The following SIPA1L1 variants were observed in gnomAD, a reference collection of about 807,000 sequenced individuals.
SIPA1L1 encodes the protein signal induced proliferation associated 1 like 1, also known as signal-induced proliferation-associated 1-like protein 1.
SIPA1L1 carries 26 observed loss-of-function variants against 162.7 expected under a neutral mutation model. The observed-to-expected ratio is 0.16, with a 90% CI of 0.12 to 0.22. SIPA1L1 has a LOEUF of 0.22. Among genes scored for constraint, SIPA1L1 ranks in the 10% least tolerant of loss-of-function variants. The pLI is 1.00. For synonymous variants in SIPA1L1, 829 were observed against 837.4 expected (o/e 0.99, Z 0.17); for missense variants, 1,874 against 2,241.0 (o/e 0.84, Z 3.31).
chr14:71,336,758 G>A (rs1180751830), intron 2 of SIPA1L1, among the ~76,000 whole-genome samples: 1 of 152,162 alleles, frequency 6.6e-6, no homozygotes, highest in Admixed American at 6.5e-5. Context: ...TTGTTTTACC[G>A]CACCTTTCCA....
Position 71,385,683 on chromosome 14 carries a change from A to G in SIPA1L1, c.-465+64502A>G, listed in dbSNP as rs1045214964. On this transcript the variant is annotated intron_variant, in intron 2 of 23. Coordinates refer to ENST00000381232, the MANE Select transcript of SIPA1L1 (RefSeq NM_001386936.1). ...AGAGATGCTTTACTTTCTTTTGTAC[A>G]TTCTTTTTTTTTTTTTTTTTTTTGA... Among the ~76,000 whole-genome samples, 87 of 137,002 alleles carry G rather than the reference A, an allele frequency of 6.4e-4. 1 individual carries two copies. Among genetic ancestry groups the G allele is most frequent in the Admixed American group, 1.8e-3 (23 of 12,452 alleles). The allele number at this position is 137,002 out of a possible 152,430, so 89.9% of individuals were successfully genotyped here.
chr14:71,589,915 G>T (rs756532529), intron 5 of SIPA1L1, among the ~76,000 whole-genome samples: 16 of 150,672 alleles, frequency 1.1e-4, no homozygotes, highest in Non-Finnish European at 2.2e-4. Context: ...ATAAGTCTCA[G>T]TGCCAAGAAT....
intron 17 of SIPA1L1, among the ~76,000 whole-genome samples, chr14:71,717,159 A>G (rs1872899620): frequency 6.6e-6 from 1 of 152,154 alleles, no homozygotes; most frequent in Non-Finnish European, 1.5e-5. Context: ...CGGCCTCCCA[A>G]AGTGCTGGGA....
intron 6 of SIPA1L1, among the ~76,000 whole-genome samples, chr14:71,622,090 G>A (rs2039507023): frequency 1.3e-5 from 2 of 152,100 alleles, no homozygotes; most frequent in Non-Finnish European, 2.9e-5. Flanking sequence ...ATTTGTATCA[G>A]GGACTTCTCA....
chr14:71,367,795 C>T (rs982764446), intron 2 of SIPA1L1, among the ~76,000 whole-genome samples: 5 of 150,848 alleles, frequency 3.3e-5, no homozygotes, highest in Non-Finnish European at 5.9e-5. Flanking sequence ...TTAGTAGAGA[C>T]GGGGTTTCAC....
At chr14:71,719,438 A>AAG (rs2083522792) in intron 17 of SIPA1L1, among the ~76,000 whole-genome samples, 3 of 152,260 alleles carry the variant, frequency 2.0e-5, no homozygotes, top group Admixed American at 6.5e-5. Context: ...CATCCTTGCC[A>AAG]GCACTTGATA....
At chr14:71,617,507 C>T (rs2038964678) in intron 5 of SIPA1L1, among the ~76,000 whole-genome samples, 1 of 152,116 alleles carries the variant, frequency 6.6e-6, no homozygotes, top group Non-Finnish European at 1.5e-5. Context: ...TTTGAATTTC[C>T]ATGGCTTATG....
At chr14:71,611,310 G>A (rs1203878992) in intron 5 of SIPA1L1, among the ~76,000 whole-genome samples, 1 of 152,126 alleles carries the variant, frequency 6.6e-6, no homozygotes. Flanking sequence ...TCATTAGTCA[G>A]ATTAAGATGT....
intron 2 of SIPA1L1, among the ~76,000 whole-genome samples, chr14:71,354,606 AG>A (rs1164772512): frequency 6.6e-6 from 1 of 151,910 alleles, no homozygotes; most frequent in Non-Finnish European, 1.5e-5. Context: ...AAAAAAAAAA[AG>A]ACTGTGTGTG....
At chr14:71,358,280 C>T (rs1056341397) in intron 2 of SIPA1L1, among the ~76,000 whole-genome samples, 4 of 152,178 alleles carry the variant, frequency 2.6e-5, no homozygotes, top group Admixed American at 2.0e-4. Context: ...TAAAAACACA[C>T]CAAGCATACC....
At position 71,724,444 on chromosome 14, in the gene SIPA1L1, A is replaced by AT. The variant is rs1196187397; in HGVS notation, c.4449-226_4449-225insT. ...CTTAGTAAAACTAATAGCTTTATTT[A>AT]AAAGAGTGACTTATTCATCAGATTT... On this transcript the variant is annotated intron_variant, in intron 18 of 23. Transcript: ENST00000381232. 2.0e-5 allele frequency among the ~76,000 whole-genome samples: 3 copies of AT among 152,250 alleles called. No homozygotes were observed. The South Asian group carries it at 6.2e-4, about 31-fold the overall frequency.
intron 13 of SIPA1L1, among the ~76,000 whole-genome samples, chr14:71,696,348 C>T (rs557782639): frequency 2.0e-5 from 3 of 152,336 alleles, no homozygotes; most frequent in Non-Finnish European, 4.4e-5. Flanking sequence ...AGGCATTGTC[C>T]TAAGTTCTCT....
chr14:71,592,224 C>T (rs2035492764), intron 5 of SIPA1L1, among the ~76,000 whole-genome samples: 1 of 152,154 alleles, frequency 6.6e-6, no homozygotes, highest in East Asian at 1.9e-4. Flanking sequence ...TTGGGCCACA[C>T]AACTTTCAAG....
At chr14:71,610,544 G>A (rs117501030) in intron 5 of SIPA1L1, among the ~76,000 whole-genome samples, 209 of 152,242 alleles carry the variant, frequency 1.4e-3, no homozygotes, top group Non-Finnish European at 2.5e-3. Flanking sequence ...GTGAGTTTCA[G>A]TTTTTAAAAA....
intron 7 of SIPA1L1, among the ~76,000 whole-genome samples, chr14:71,632,875 A>G (rs1295717712): frequency 6.6e-6 from 1 of 152,212 alleles, no homozygotes; most frequent in South Asian, 2.1e-4. Flanking sequence ...GGTAATAAAG[A>G]AGGCCTGCTA....
chr14:71,413,269 T>C (rs1456944561), intron 2 of SIPA1L1, among the ~76,000 whole-genome samples: 1 of 152,198 alleles, frequency 6.6e-6, no homozygotes, highest in Non-Finnish European at 1.5e-5. Flanking sequence ...CCCATAGGCA[T>C]GTGATGGACC....
At position 71,699,097 on chromosome 14, in the gene SIPA1L1, G is replaced by A. The variant is rs2081887037; in HGVS notation, c.3491G>A (p.Gly1164Asp). The change falls in exon 14 of 24, where the codon GGC (glycine) becomes GAC (aspartate). Residue 1164 changes from glycine (G) to aspartate (D), a missense_variant. Gly to Asp is a moderately conservative substitution (Grantham distance 94). Around this residue, in one of 5 missense-constraint regions of SIPA1L1, gnomAD observed 936 missense variants for 1,051.9 expected, o/e 0.89. Transcript: ENST00000381232. ...TCCAGTGATACTGGTTCTGTGGGGG[G>A]CACTTACAGGCAGAAGTCCATGCCC... ...SSSSDTGSVG[G>D]TYRQKSMPEG... is the part of the protein sequence containing the mutation. 3.7e-6 allele frequency: 6 copies of A among 1,614,000 alleles called. No individual in the cohort carries two copies. The highest frequency in any genetic ancestry group is 1.6e-4 in the Middle Eastern group (1 of 6,084).
Position 71,587,774 on chromosome 14 carries a change from G to T in SIPA1L1, c.-99G>T. On this transcript the variant is annotated 5_prime_UTR_variant, in exon 5 of 24. Coordinates refer to ENST00000381232, the MANE Select transcript of SIPA1L1 (RefSeq NM_001386936.1). ...AAGATTAAGATCTCATGCAACTGTTGTATTTTCTGGAAGCCATTCTCCAAA... is the reference window on the plus strand; with the variant it reads ...AAGATTAAGATCTCATGCAACTGTTTTATTTTCTGGAAGCCATTCTCCAAA... The T allele has an allele frequency of 9.3e-7, 1 of 1,075,738 alleles. No homozygotes were observed. Among genetic ancestry groups the T allele is most frequent in the Non-Finnish European group, 1.3e-6 (1 of 741,150 alleles). The allele number at this position is 1,075,738 out of a possible 1,614,324, so 66.6% of individuals were successfully genotyped here. A position where few individuals can be genotyped will look rare whatever the true frequency, so the allele number is the denominator to read the frequency against.
chr14:71,528,182 A>G (rs1331926940), intron 3 of SIPA1L1, among the ~76,000 whole-genome samples: 1 of 152,228 alleles, frequency 6.6e-6, no homozygotes, highest in Non-Finnish European at 1.5e-5. Flanking sequence ...ATGATGCAGT[A>G]TCAGATATTG....
Sources: allele counts gnomAD v4.1 joint callset (sites outside exome capture counted in the v4.1 genomes callset), GRCh38; gene constraint gnomAD v4.1.1; regional missense constraint gnomAD v4.1.1; transcripts MANE v1.5; gene names NCBI Gene and HGNC (gene_info 2026-07-23, HGNC 2026-07-21).